SCAPER: variants seen among roughly 807,000 people sequenced by gnomAD.
SCAPER encodes S-phase cyclin A associated protein in the ER, also known as S phase cyclin A-associated protein in the endoplasmic reticulum.
A neutral mutation model predicts 182.2 loss-of-function variants in SCAPER; 98 were observed. The observed-to-expected ratio is 0.54, with a 90% CI of 0.46 to 0.64. SCAPER has a LOEUF of 0.64. SCAPER is among the 30% of genes least tolerant of loss of function. The pLI, the probability that SCAPER is intolerant of heterozygous loss-of-function variation, is 0.00. For missense variants in SCAPER, 1,432 were observed against 1,690.0 expected, an observed-to-expected ratio of 0.85 and a Z score of 2.68; for synonymous variants, 605 against 564.6, an observed-to-expected ratio of 1.07 and a Z score of -1.01.
intron 24 of SCAPER, among the ~76,000 whole-genome samples, chr15:76,502,347 T>G (rs556331239): frequency 6.6e-6 from 1 of 152,080 alleles, no homozygotes; most frequent in Non-Finnish European, 1.5e-5. Flanking sequence ...ATAGACTGGA[T>G]TAAGAAAAAT....
In SCAPER at chr15:76,728,733, C is replaced by T. The variant is rs747502251; in HGVS notation, c.2027G>A (p.Arg676His). The T allele has an allele frequency of 1.9e-6, 3 of 1,609,916 alleles. No individual in the cohort carries two copies. The highest frequency in any genetic ancestry group is 2.5e-6 in the Non-Finnish European group (3 of 1,178,586). Reference protein sequence around the residue: ...KQARDEAVQERKRALEAERQA... With the variant: ...KQARDEAVQEHKRALEAERQA... ...CCGCTCTGCCTCTAGAGCTCTCTTG[C>T]GTTCCTAATGTTAGAAATATTTGTT... Residue 676 changes from arginine to histidine, a missense_variant, in exon 17 of 32, where the codon CGC (arginine) becomes CAC (histidine). Transcript: ENST00000563290.
rs1348982776 is a variant in SCAPER, at chr15:76,536,855, C to T, written c.2839-31881G>A. ...CCCAAAATCTCCTTAAGCTGATAAG[C>T]AACTTCAGCAAAGTCTCAGGATACA... On this transcript the variant is annotated intron_variant, in intron 23 of 31. Transcript: ENST00000563290. 7.2e-5 allele frequency among the ~76,000 whole-genome samples: 11 copies of T among 152,150 alleles called. 1 individual carries two copies. The East Asian group carries it at 1.7e-3, about 24-fold the overall frequency.
At chr15:76,652,556 CACACAT>C (rs1241767967) in intron 21 of SCAPER, among the ~76,000 whole-genome samples, 13 of 141,512 alleles carry the variant, frequency 9.2e-5, no homozygotes, top group South Asian at 4.6e-4. Context: ...CACACACACA[CACACAT>C]TAGCCGGGTG....
intron 23 of SCAPER, among the ~76,000 whole-genome samples, chr15:76,547,779 C>T (rs1015717741): frequency 6.6e-6 from 1 of 151,998 alleles, no homozygotes; most frequent in Non-Finnish European, 1.5e-5. Context: ...CATTTGTGGG[C>T]TAATATTTTC....
chr15:76,618,497 T>C (rs1252289732), intron 22 of SCAPER, among the ~76,000 whole-genome samples: 1 of 152,210 alleles, frequency 6.6e-6, no homozygotes, highest in Admixed American at 6.5e-5. Context: ...TGTAGGAATA[T>C]TTACAGCAAA....
chr15:76,398,146 C>G (rs532873432), intron 27 of SCAPER, among the ~76,000 whole-genome samples: 1 of 152,254 alleles, frequency 6.6e-6, no homozygotes, highest in Non-Finnish European at 1.5e-5. Context: ...CTAATCTTTT[C>G]CATCTTTCAA....
chr15:76,722,713 A>G (rs987461651), intron 17 of SCAPER, among the ~76,000 whole-genome samples: 1 of 152,080 alleles, frequency 6.6e-6, no homozygotes. Flanking sequence ...GTTTATTTGC[A>G]TAGAGGTGTT....
chr15:76,601,862 G>A (rs2049953861), intron 22 of SCAPER, among the ~76,000 whole-genome samples: 1 of 120,750 alleles, frequency 8.3e-6, no homozygotes, highest in African/African-American at 2.5e-5. Context: ...GTCATCCCTT[G>A]GTATATGTGT....
At chr15:76,853,504 C>T (rs2070999860) in intron 4 of SCAPER, among the ~76,000 whole-genome samples, 1 of 151,754 alleles carries the variant, frequency 6.6e-6, no homozygotes, top group African/African-American at 2.4e-5. Flanking sequence ...AAGGTTGCTT[C>T]AGCATAGGCA....
intron 14 of SCAPER, among the ~76,000 whole-genome samples, chr15:76,762,327 C>A (rs944999154): frequency 6.8e-5 from 10 of 146,294 alleles, no homozygotes; most frequent in African/African-American, 2.5e-4. Flanking sequence ...GCTTTTGTTC[C>A]TTACTCTATT....
rs371119046 is a variant in SCAPER at position 76,376,154 on chromosome 15, C to G, written c.3855+8G>C. On this transcript the variant is annotated splice_region_variant and intron_variant, in intron 29 of 31. Coordinates refer to ENST00000563290, the MANE Select transcript of SCAPER (RefSeq NM_020843.4). ...GAGCAGTCTAAGGAACTTTCCAGGG[C>G]CTCTTACCTGGTTATCTGGGTGGTT... The G allele has an allele frequency of 3.7e-6, 6 of 1,613,590 alleles. No individual in the cohort carries two copies. In the African/African-American group the frequency reaches 8.0e-5, roughly 22 times the overall value.
At position 76,449,800 on chromosome 15, in the gene SCAPER, C is replaced by T. The variant is rs552337169; in HGVS notation, c.3079-15490G>A. On this transcript the variant is annotated intron_variant, in intron 25 of 31. Coordinates refer to ENST00000563290, the MANE Select transcript of SCAPER (RefSeq NM_020843.4). ...ACCACTTCCTTAATGAAACTTTCTC[C>T]AACTTTCCTTTTAAAGGAATCTCTC... Among the ~76,000 whole-genome samples the T allele has an allele frequency of 2.0e-5, 3 of 152,278 alleles. No individual in the cohort carries two copies. The South Asian group carries it at 6.2e-4, about 32-fold the overall frequency.
chr15:76,652,385 T>TATATATATATAG, intron 21 of SCAPER, among the ~76,000 whole-genome samples: 1 of 62,760 alleles, frequency 1.6e-5, no homozygotes, highest in African/African-American at 6.8e-5. Context: ...TATATATATA[T>TATATATATATAG]ATATATATAT....
At position 76,451,107 on chromosome 15, in the gene SCAPER, G is replaced by T. The variant is rs923608559; in HGVS notation, c.3079-16797C>A. On this transcript the variant is annotated intron_variant, in intron 25 of 31. Transcript: ENST00000563290. ...GCATTTTCTAGAATTTCAAATAACT[G>T]CAATCACACAGTAGGTAGATTTTTG... 2.0e-5 allele frequency among the ~76,000 whole-genome samples: 3 copies of T among 152,286 alleles called. No homozygotes were observed. In the East Asian group the frequency reaches 5.8e-4, roughly 29 times the overall value.
intron 8 of SCAPER, chr15:76,793,473 G>T: frequency 1.9e-6 from 1 of 520,580 alleles, no homozygotes; most frequent in Non-Finnish European, 3.4e-6. Context: ...AAGGAAAGGA[G>T]CTGAAGGTTA....
chr15:76,626,665 C>T (rs1315630052), intron 21 of SCAPER, among the ~76,000 whole-genome samples: 1 of 152,148 alleles, frequency 6.6e-6, no homozygotes, highest in East Asian at 1.9e-4. Flanking sequence ...TGCAATAAGC[C>T]AAGATTACAC....
chr15:76,597,428 T>C (rs2049593229), intron 22 of SCAPER, among the ~76,000 whole-genome samples: 1 of 121,902 alleles, frequency 8.2e-6, no homozygotes, highest in South Asian at 2.5e-4. Flanking sequence ...ACCATTGACT[T>C]TCTTCACAGA....
chr15:76,436,599 T>C (rs1331306076), intron 25 of SCAPER, among the ~76,000 whole-genome samples: 3 of 152,130 alleles, frequency 2.0e-5, no homozygotes, highest in African/African-American at 7.2e-5. Flanking sequence ...CTTCTCATCT[T>C]TGTGAAATTA....
intron 20 of SCAPER, among the ~76,000 whole-genome samples, chr15:76,690,255 A>G (rs966119249): frequency 3.6e-4 from 54 of 149,748 alleles, no homozygotes; most frequent in African/African-American, 1.2e-3. Flanking sequence ...TAATCATGAG[A>G]AAAAAAAATC....
Sources: allele counts gnomAD v4.1 joint callset (sites outside exome capture counted in the v4.1 genomes callset), GRCh38; gene constraint gnomAD v4.1.1; transcripts MANE v1.5; gene names NCBI Gene and HGNC (gene_info 2026-07-23, HGNC 2026-07-21).